ZNRF2: variants seen among roughly 807,000 people sequenced by gnomAD.
ZNRF2 encodes zinc and ring finger 2.
Under a neutral mutation model 20.4 loss-of-function variants are expected in ZNRF2, and 16 were observed. The ratio of observed to expected loss-of-function variants is 0.79; its 90% CI spans 0.53 to 1.19. ZNRF2 has a LOEUF of 1.19. Ranked by LOEUF, ZNRF2 falls within the 50% of genes most tolerant of loss-of-function variation. The pLI is 0.00. For synonymous variants in ZNRF2, 178 were observed against 144.9 expected (o/e 1.23, Z -1.64); for missense variants, 363 against 332.4 (o/e 1.09, Z -0.72).
At position 30,295,046 on chromosome 7, in the gene ZNRF2, AGAGAGTGTGTGTGTGTGT is replaced by A. The variant is rs1278845745; in HGVS notation, c.469+9222_469+9239del. On this transcript the variant is annotated intron_variant, in intron 1 of 4. Coordinates refer to ENST00000323037, the MANE Select transcript of ZNRF2 (RefSeq NM_147128.4). ...GAGAGAGAGAGAGAGAGAGAGAGAG[AGAGAGTGTGTGTGTGTGT>A]GTGTGTGTGTGTGTGTGTGTGTGTG... Among the ~76,000 whole-genome samples, 872 of 98,210 alleles carry A rather than the reference AGAGAGTGTGTGTGTGTGT, an allele frequency of 8.9e-3. 5 individuals carry two copies. The highest frequency in any genetic ancestry group is 0.04 in the African/African-American group (794 of 19,890). The allele number at this position is 98,210 out of a possible 152,430, so 64.4% of individuals were successfully genotyped here. A position where few individuals can be genotyped will look rare whatever the true frequency, so the allele number is the denominator to read the frequency against.
chr7:30,345,235 A>G (rs1321885881), intron 2 of ZNRF2, among the ~76,000 whole-genome samples: 1 of 150,774 alleles, frequency 6.6e-6, no homozygotes. Context: ...TTAACTCTTC[A>G]TTTTCTATTT....
At chr7:30,298,877 T>A (rs1799061770) in intron 1 of ZNRF2, among the ~76,000 whole-genome samples, 1 of 152,172 alleles carries the variant, frequency 6.6e-6, no homozygotes, top group Non-Finnish European at 1.5e-5. Flanking sequence ...GTGCCTGCTG[T>A]AAATCAGTTT....
intron 1 of ZNRF2, chr7:30,289,676 G>A (rs1374978688): frequency 2.2e-6 from 1 of 450,976 alleles, no homozygotes; most frequent in Admixed American, 2.7e-5. Context: ...CTGTGTCATG[G>A]AAGTTTCTGC....
intron 1 of ZNRF2, among the ~76,000 whole-genome samples, chr7:30,293,428 T>C (rs1798948415): frequency 6.6e-6 from 1 of 152,118 alleles, no homozygotes; most frequent in African/African-American, 2.4e-5. Context: ...TTTGTATTTT[T>C]AGTAGAGACT....
chr7:30,313,246 A>T (rs1799318086), intron 1 of ZNRF2, among the ~76,000 whole-genome samples: 1 of 152,324 alleles, frequency 6.6e-6, no homozygotes, highest in South Asian at 2.1e-4. Flanking sequence ...CAATGCGTAT[A>T]AACAGTAGCC....
rs1359544654 is a variant in ZNRF2 at position 30,284,871 on chromosome 7, C to CCCCGGCGGAGT, written c.-485_-475dup. 4.4e-6 allele frequency: 1 copy of CCCCGGCGGAGT among 228,898 alleles called. No individual in the cohort carries two copies. The highest frequency in any genetic ancestry group is 2.4e-5 in the African/African-American group (1 of 41,772). The allele number at this position is 228,898 out of a possible 1,614,324, so 14.2% of individuals were successfully genotyped here. A position where few individuals can be genotyped will look rare whatever the true frequency, so the allele number is the denominator to read the frequency against. ...GTGGCTGGGGGAGGAGGGAAGGTGGCCCCGGCGGAGTCTGGGCGGGCGCCT... is the reference window on the plus strand; with the variant it reads ...GTGGCTGGGGGAGGAGGGAAGGTGGCCCCGGCGGAGTCCCGGCGGAGTCTGGGCGGGCGCCT... On this transcript the variant is annotated 5_prime_UTR_variant, in exon 1 of 5. Coordinates refer to ENST00000323037, the MANE Select transcript of ZNRF2 (RefSeq NM_147128.4).
intron 2 of ZNRF2, among the ~76,000 whole-genome samples, chr7:30,342,360 T>G (rs1799810397): frequency 6.6e-6 from 1 of 152,226 alleles, no homozygotes; most frequent in South Asian, 2.1e-4. Context: ...TTGTAGTGGC[T>G]GGTACTGGTT....
chr7:30,285,405 C>A lies in ZNRF2; in HGVS notation c.48C>A (p.Arg16=). ...SGPAAANGRT[R]AYSGSDLPSS... ...CGGCCGCCGCTAACGGCCGCACGCG[C>A]GCGTACTCGGGCTCGGATCTACCTT... The change falls in exon 1 of 5, where the codon CGC becomes CGA. Residue 16 remains arginine (R), a synonymous_variant. Coordinates refer to ENST00000323037, the MANE Select transcript of ZNRF2 (RefSeq NM_147128.4). 1.6e-6 allele frequency: 2 copies of A among 1,262,778 alleles called. No individual in the cohort carries two copies. The highest frequency in any genetic ancestry group is 1.5e-5 in the South Asian group (1 of 65,870). 78.2% of individuals were successfully genotyped at this position (1,262,778 alleles called of 1,614,324 possible).
At chr7:30,357,104 CAAAA>C (rs1320063212) in intron 3 of ZNRF2, among the ~76,000 whole-genome samples, 1 of 152,024 alleles carries the variant, frequency 6.6e-6, no homozygotes, top group Non-Finnish European at 1.5e-5. Flanking sequence ...GCCACATACA[CAAAA>C]AATGAATCAA....
rs1310875429 is a variant in ZNRF2, at chr7:30,366,889, A to G, written c.*877A>G. 6.6e-6 allele frequency: 1 copy of G among 152,576 alleles called. No individual in the cohort carries two copies. The highest frequency in any genetic ancestry group is 6.6e-5 in the Admixed American group (1 of 15,256). The allele number at this position is 152,576 out of a possible 1,614,324, so 9.5% of individuals were successfully genotyped here. ...GCTGCCAGCTAAAATAACTGTTTTA[A>G]CGGGTATCTTTTGTTTGTTCTTTTC... On this transcript the variant is annotated 3_prime_UTR_variant, in exon 5 of 5. Coordinates refer to ENST00000323037, the MANE Select transcript of ZNRF2 (RefSeq NM_147128.4).
At chr7:30,298,217 T>C (rs921465196) in intron 1 of ZNRF2, among the ~76,000 whole-genome samples, 1 of 152,216 alleles carries the variant, frequency 6.6e-6, no homozygotes, top group African/African-American at 2.4e-5. Flanking sequence ...AATTTACATG[T>C]GCATCTGTTT....
chr7:30,327,598 T>G (rs112409070), intron 2 of ZNRF2, among the ~76,000 whole-genome samples: 6,029 of 152,150 alleles, frequency 0.04, 394 homozygotes, highest in African/African-American at 0.14. Context: ...TAACAGTATT[T>G]CAATCTAGAA....
At position 30,298,205 on chromosome 7, in the gene ZNRF2, C is replaced by T. The variant is rs1280039556; in HGVS notation, c.469+12379C>T. Among the ~76,000 whole-genome samples, 18 of 151,604 alleles carry T rather than the reference C, an allele frequency of 1.2e-4. No individual in the cohort carries two copies. The South Asian group carries it at 1.2e-3, about 10-fold the overall frequency. ...CCTTTTTCTAAGAATATTACTGATACGAATTTACATGTGCATCTGTTTGTG... is the reference window on the plus strand; with the variant it reads ...CCTTTTTCTAAGAATATTACTGATATGAATTTACATGTGCATCTGTTTGTG... On this transcript the variant is annotated intron_variant, in intron 1 of 4. Coordinates refer to ENST00000323037, the MANE Select transcript of ZNRF2 (RefSeq NM_147128.4).
intron 2 of ZNRF2, among the ~76,000 whole-genome samples, chr7:30,329,683 C>T (rs12056131): frequency 0.03 from 4,522 of 152,284 alleles, 167 homozygotes; most frequent in African/African-American, 0.088. Context: ...ATAGATACCA[C>T]GTTTTCTGTA....
chr7:30,312,090 C>T (rs1157909991), intron 1 of ZNRF2, among the ~76,000 whole-genome samples: 1 of 152,152 alleles, frequency 6.6e-6, no homozygotes, highest in Non-Finnish European at 1.5e-5. Flanking sequence ...GATCCTCCCA[C>T]CTTAGCCTCT....
intron 1 of ZNRF2, among the ~76,000 whole-genome samples, chr7:30,312,566 ATTTG>A (rs1242881562): frequency 6.6e-6 from 1 of 152,168 alleles, no homozygotes; most frequent in East Asian, 1.9e-4. Context: ...GGGAGGATAT[ATTTG>A]TTCATTCACC....
At chr7:30,311,714 A>G (rs1799295092) in intron 1 of ZNRF2, among the ~76,000 whole-genome samples, 2 of 152,142 alleles carry the variant, frequency 1.3e-5, no homozygotes, top group African/African-American at 4.8e-5. Flanking sequence ...TTTTTGACAT[A>G]ATTCTTAAGG....
intron 1 of ZNRF2, among the ~76,000 whole-genome samples, chr7:30,287,014 T>G (rs1362516753): frequency 6.6e-6 from 1 of 152,212 alleles, no homozygotes; most frequent in East Asian, 1.9e-4. Context: ...CATGTTTCAT[T>G]TTTCCCATTT....
At chr7:30,352,910 A>G (rs1799980965) in intron 2 of ZNRF2, among the ~76,000 whole-genome samples, 1 of 152,126 alleles carries the variant, frequency 6.6e-6, no homozygotes, top group African/African-American at 2.4e-5. Context: ...CATTACTAAC[A>G]AGTCTTTCAC....
Sources: allele counts gnomAD v4.1 joint callset (sites outside exome capture counted in the v4.1 genomes callset), GRCh38; gene constraint gnomAD v4.1.1; transcripts MANE v1.5; gene names NCBI Gene and HGNC (gene_info 2026-07-23, HGNC 2026-07-21).